Variants in FBXO21 observed in about 807,000 individuals in gnomAD.
The protein encoded by FBXO21 is F-box protein 21.
A neutral mutation model predicts 76.6 loss-of-function variants in FBXO21; 32 were observed. The observed-to-expected ratio is 0.42, with a 90% CI of 0.32 to 0.56. FBXO21 has a LOEUF of 0.56. Among genes scored for constraint, FBXO21 ranks in the 20% least tolerant of loss-of-function variants. The pLI is 0.16. For missense variants in FBXO21, 586 were observed against 797.3 expected (o/e 0.73, Z 3.19); for synonymous variants, 328 against 311.5 (o/e 1.05, Z -0.56).
intron 7 of FBXO21, among the ~76,000 whole-genome samples, chr12:117,171,357 C>CA (rs57835444): frequency 0.27 from 14,041 of 51,802 alleles, 1,676 homozygotes; most frequent in East Asian, 0.46. Flanking sequence ...GACCCTGTCT[C>CA]AAAAAAAAAA....
intron 3 of FBXO21, among the ~76,000 whole-genome samples, chr12:117,178,874 C>A (rs1032164212): frequency 7.2e-5 from 11 of 152,154 alleles, no homozygotes; most frequent in Non-Finnish European, 1.5e-4. Flanking sequence ...GCCCATCTCG[C>A]CCACTACAGT....
chr12:117,150,822 A>AT (rs1367693161), intron 11 of FBXO21, among the ~76,000 whole-genome samples: 1 of 151,344 alleles, frequency 6.6e-6, no homozygotes, highest in Non-Finnish European at 1.5e-5. Context: ...CATGCAGGGG[A>AT]TCCCCATTCA....
chr12:117,156,072 AG>A (rs1955912453), intron 10 of FBXO21, 124 bp from the exon 11 acceptor site: 1 of 818,358 alleles, frequency 1.2e-6, no homozygotes, highest in African/African-American at 1.7e-5. Flanking sequence ...ATCATTTTTC[AG>A]GACACCCCTA....
At chr12:117,183,256 T>G (rs372118255) in intron 3 of FBXO21, among the ~76,000 whole-genome samples, 1 of 73,388 alleles carries the variant, frequency 1.4e-5, no homozygotes. Context: ...TGTTTAACAC[T>G]TTTTTTTTTT....
intron 3 of FBXO21, among the ~76,000 whole-genome samples, chr12:117,185,746 T>C (rs534196229): frequency 2.0e-5 from 3 of 152,208 alleles, no homozygotes; most frequent in African/African-American, 7.2e-5. Flanking sequence ...TTGTAAAAAA[T>C]CATCCATTAA....
chr12:117,178,364 G>A (rs1159108078), intron 3 of FBXO21, among the ~76,000 whole-genome samples: 1 of 152,066 alleles, frequency 6.6e-6, no homozygotes, highest in East Asian at 1.9e-4. Context: ...CTGTGTTGCA[G>A]CAACATCCTC....
At chr12:117,161,550 G>A (rs560140934) in intron 9 of FBXO21, among the ~76,000 whole-genome samples, 32 of 152,304 alleles carry the variant, frequency 2.1e-4, no homozygotes, top group African/African-American at 7.7e-4. Context: ...AGTCCAGAGA[G>A]GGAGGACAAG....
In FBXO21 at chr12:117,177,402, A is replaced by G. The variant is rs149673943; in HGVS notation, c.592+118T>C. On this transcript the variant is annotated intron_variant, in intron 4 of 11. Coordinates refer to ENST00000622495, the MANE Select transcript of FBXO21 (RefSeq NM_015002.3). ...AATCCAACCTGCAGAAGCCCACGCA[A>G]CATGATTTGCTTTTTCACTTCTTTA... The G allele has an allele frequency of 4.5e-4, 463 of 1,021,310 alleles. 2 individuals are homozygous for G. The African/African-American group carries it at 6.6e-3, about 15-fold the overall frequency. 63.3% of individuals were successfully genotyped at this position (1,021,310 alleles called of 1,614,324 possible).
intron 11 of FBXO21, 122 bp downstream of exon 11, chr12:117,155,669 T>C (rs1955906950): frequency 1.8e-6 from 2 of 1,116,762 alleles, no homozygotes; most frequent in East Asian, 5.2e-5. Flanking sequence ...AGGCCGGCCA[T>C]GGGGCGTCGG....
At chr12:117,165,855 T>C (rs1215418377) in intron 8 of FBXO21, among the ~76,000 whole-genome samples, 1 of 152,188 alleles carries the variant, frequency 6.6e-6, no homozygotes, top group East Asian at 1.9e-4. Context: ...AGAAGCATTT[T>C]TACTAAGCAG....
chr12:117,148,906 C>T (rs1180783733), intron 11 of FBXO21, among the ~76,000 whole-genome samples: 1 of 152,198 alleles, frequency 6.6e-6, no homozygotes, highest in South Asian at 2.1e-4. Flanking sequence ...TCTGATCTCT[C>T]TACTGTTGTC....
At chr12:117,161,650 G>C (rs1013562172) in intron 9 of FBXO21, among the ~76,000 whole-genome samples, 10 of 152,126 alleles carry the variant, frequency 6.6e-5, no homozygotes, top group African/African-American at 2.4e-4. Context: ...CACGTGCAGG[G>C]GTGTAGCAGG....
chr12:117,146,397 C>T, intron 11 of FBXO21, 120 bp from the exon 12 acceptor site: 1 of 760,714 alleles, frequency 1.3e-6, no homozygotes, highest in South Asian at 1.8e-5. Context: ...GAAGGGAAGA[C>T]TGAAGATGTT....
chr12:117,178,028 A>G (rs1201128271), intron 3 of FBXO21, among the ~76,000 whole-genome samples: 1 of 152,146 alleles, frequency 6.6e-6, no homozygotes, highest in Non-Finnish European at 1.5e-5. Flanking sequence ...TCACGGTTTC[A>G]CATATTATGA....
Position 117,146,348 on chromosome 12 carries a change from C to T in FBXO21, c.1676-71G>A, listed in dbSNP as rs934768592. ...GCTGCCACACCTTTCATCCAGAGAACCTCCCATCACCCCTTCCAGGTGGCA... is the reference window on the plus strand; with the variant it reads ...GCTGCCACACCTTTCATCCAGAGAATCTCCCATCACCCCTTCCAGGTGGCA... On this transcript the variant is annotated intron_variant, in intron 11 of 11. Transcript: ENST00000622495. The T allele has an allele frequency of 3.6e-5, 48 of 1,318,468 alleles. No homozygotes were observed. The South Asian group carries it at 5.1e-4, about 14-fold the overall frequency. 81.7% of individuals were successfully genotyped at this position (1,318,468 alleles called of 1,614,324 possible).
chr12:117,150,871 CTGTGTGTGTGTGTGTG>C (rs372253197), intron 11 of FBXO21, among the ~76,000 whole-genome samples: 2 of 127,630 alleles, frequency 1.6e-5, no homozygotes, highest in Non-Finnish European at 3.3e-5. Context: ...TGGCCATGGA[CTGTGTGTGTGTGTGTG>C]TGTGTGTGTG....
At chr12:117,152,785 T>C (rs1955859444) in intron 11 of FBXO21, among the ~76,000 whole-genome samples, 1 of 152,236 alleles carries the variant, frequency 6.6e-6, no homozygotes, top group South Asian at 2.1e-4. Context: ...AATTAGGTCA[T>C]GTCTGCAATA....
chr12:117,165,708 C>T, intron 8 of FBXO21, 91 bp from the exon 9 acceptor site: 2 of 1,292,372 alleles, frequency 1.5e-6, no homozygotes, highest in South Asian at 1.9e-5. Context: ...ATATAATTGA[C>T]ACAAATCCCA....
At chr12:117,180,758 T>C (rs116426615) in intron 3 of FBXO21, among the ~76,000 whole-genome samples, 3,532 of 152,196 alleles carry the variant, frequency 0.023, 153 homozygotes, top group African/African-American at 0.081. Context: ...CCCAAATAGC[T>C]GGGATTACAG....
Sources: gnomAD v4.1 joint callset for allele counts (sites outside exome capture counted in the v4.1 genomes callset) on GRCh38, gnomAD v4.1.1 for gene constraint, MANE v1.5 for transcripts, NCBI Gene and HGNC (gene_info 2026-07-23, HGNC 2026-07-21) for gene names.